LARGE1: variants seen among roughly 807,000 people sequenced by gnomAD.
The protein encoded by LARGE1 is LARGE xylosyl- and glucuronyltransferase 1.
LARGE1 carries 43 observed loss-of-function variants against 87.6 expected under a neutral mutation model. The observed-to-expected ratio is 0.49, with a 90% CI of 0.38 to 0.63. LARGE1 has a LOEUF of 0.63. LARGE1 is among the 30% of genes least tolerant of loss of function. The probability of loss-of-function intolerance (pLI) is 0.00; values close to 1 mark genes in which losing one functional copy is unlikely to be tolerated. For missense variants in LARGE1, 802 were observed against 1,000.2 expected (o/e 0.80, Z 2.67); for synonymous variants, 434 against 394.6 (o/e 1.10, Z -1.18).
At chr22:33,280,781 G>A (rs1430875420) in intron 13 of LARGE1, among the ~76,000 whole-genome samples, 2 of 152,186 alleles carry the variant, frequency 1.3e-5, no homozygotes, top group Non-Finnish European at 2.9e-5. Flanking sequence ...GGATGCTACT[G>A]GGGAGAAGAG....
At chr22:33,742,972 G>C (rs1401959032) in intron 2 of LARGE1, among the ~76,000 whole-genome samples, 1 of 151,952 alleles carries the variant, frequency 6.6e-6, no homozygotes. Context: ...TGGATCATGG[G>C]GGCAGATTTC....
chr22:33,557,500 C>G (rs906400965), intron 6 of LARGE1, among the ~76,000 whole-genome samples: 1 of 152,148 alleles, frequency 6.6e-6, no homozygotes, highest in Admixed American at 6.5e-5. Context: ...CGTTAAAGAC[C>G]TAAACAAAAC....
chr22:33,914,831 C>G (rs968206300), intron 1 of LARGE1, among the ~76,000 whole-genome samples: 2 of 152,106 alleles, frequency 1.3e-5, no homozygotes, highest in African/African-American at 4.8e-5. Context: ...CAGTAACACA[C>G]TAATGTATAG....
chr22:33,699,616 A>C (rs2082348794), intron 2 of LARGE1, among the ~76,000 whole-genome samples: 1 of 152,210 alleles, frequency 6.6e-6, no homozygotes, highest in East Asian at 1.9e-4. Flanking sequence ...CCAAGCAAAG[A>C]AGCTTTTGCA....
intron 7 of LARGE1, among the ~76,000 whole-genome samples, chr22:33,396,637 T>C (rs893384500): frequency 6.6e-6 from 1 of 152,058 alleles, no homozygotes; most frequent in Non-Finnish European, 1.5e-5. Flanking sequence ...AAATATATAT[T>C]TTAGCAACAC....
intron 6 of LARGE1, among the ~76,000 whole-genome samples, chr22:33,472,323 A>C (rs1221202181): frequency 6.6e-6 from 1 of 152,226 alleles, no homozygotes; most frequent in Non-Finnish European, 1.5e-5. Flanking sequence ...GGAGACAAAG[A>C]GAGAGACAGG....
chr22:33,528,762 C>A (rs926853929), intron 6 of LARGE1, among the ~76,000 whole-genome samples: 1 of 152,188 alleles, frequency 6.6e-6, no homozygotes, highest in Non-Finnish European at 1.5e-5. Flanking sequence ...TTGACACTGA[C>A]ACCCCCAACC....
intron 1 of LARGE1, among the ~76,000 whole-genome samples, chr22:33,905,268 T>C (rs2065411994): frequency 6.6e-6 from 1 of 151,872 alleles, no homozygotes; most frequent in African/African-American, 2.4e-5. Context: ...GGGGTTTCAC[T>C]ACGTTGCCAG....
intron 11 of LARGE1, among the ~76,000 whole-genome samples, chr22:33,307,452 G>A (rs1296452640): frequency 2.0e-5 from 3 of 151,882 alleles, no homozygotes; most frequent in Non-Finnish European, 4.4e-5. Flanking sequence ...CCAAGTAAGA[G>A]CGTGTTCTTC....
chr22:33,571,264 G>T (rs2078195222), intron 5 of LARGE1, among the ~76,000 whole-genome samples: 1 of 152,156 alleles, frequency 6.6e-6, no homozygotes, highest in African/African-American at 2.4e-5. Context: ...TGCTCTCAAA[G>T]GGAAATCTGC....
chr22:33,418,465 T>C (rs899116773), intron 7 of LARGE1, among the ~76,000 whole-genome samples: 2 of 152,146 alleles, frequency 1.3e-5, no homozygotes, highest in Non-Finnish European at 2.9e-5. Flanking sequence ...ATCAAAAACA[T>C]ATTTTATAAC....
chr22:33,875,635 GCAGGTGA>G lies in LARGE1; in HGVS notation c.-83+44353_-83+44359del, dbSNP rs889809823. ...CCCCAGCCATGTCCCATGCCGCAAA[GCAGGTGA>G]CCGATGAATTTAGCTCGCACTTGGC... On this transcript the variant is annotated intron_variant, in intron 1 of 14. Coordinates refer to ENST00000397394, the MANE Select transcript of LARGE1 (RefSeq NM_133642.5). Among the ~76,000 whole-genome samples the G allele has an allele frequency of 6.2e-4, 94 of 152,350 alleles. 2 individuals carry two copies. Among genetic ancestry groups the G allele is most frequent in the South Asian group, 4.1e-3 (20 of 4,830 alleles).
chr22:33,196,449 A>G (rs965018947), intron 11 of LARGE1, among the ~76,000 whole-genome samples: 59 of 152,274 alleles, frequency 3.9e-4, no homozygotes, highest in African/African-American at 1.3e-3. Context: ...ACAATGCAAG[A>G]TGAAACAGAA....
At chr22:33,634,108 T>C (rs1398917419) in intron 3 of LARGE1, among the ~76,000 whole-genome samples, 1 of 152,224 alleles carries the variant, frequency 6.6e-6, no homozygotes, top group African/African-American at 2.4e-5. Flanking sequence ...CTTATTAATG[T>C]TTCCTGAATG....
intron 2 of LARGE1, among the ~76,000 whole-genome samples, chr22:33,743,822 G>T (rs944200315): frequency 1.3e-5 from 2 of 152,196 alleles, no homozygotes; most frequent in Non-Finnish European, 2.9e-5. Flanking sequence ...AATTTGACTT[G>T]CACAAGACAT....
chr22:33,601,019 G>A (rs985974197), intron 5 of LARGE1, among the ~76,000 whole-genome samples: 32 of 152,104 alleles, frequency 2.1e-4, no homozygotes, highest in African/African-American at 6.5e-4. Context: ...GCAATGAGCC[G>A]AGATCACGCC....
At chr22:33,476,569 A>G (rs2069088805) in intron 6 of LARGE1, among the ~76,000 whole-genome samples, 1 of 152,200 alleles carries the variant, frequency 6.6e-6, no homozygotes, top group Non-Finnish European at 1.5e-5. Flanking sequence ...GCTGTGTCAT[A>G]GGCATGTCCT....
At chr22:33,703,836 T>C (rs999384614) in intron 2 of LARGE1, among the ~76,000 whole-genome samples, 1 of 152,246 alleles carries the variant, frequency 6.6e-6, no homozygotes, top group African/African-American at 2.4e-5. Context: ...AAATCTGTAT[T>C]ATTTTAAGCC....
In LARGE1 at chr22:33,294,271, T is replaced by C. The variant is rs546086269; in HGVS notation, c.1730+9958A>G. ...TTGGGAATCGCAGGGCTGAAGGCACTGGGGCTGCTGTCAGAATGCTGGGAG... is the reference window on the plus strand; with the variant it reads ...TTGGGAATCGCAGGGCTGAAGGCACCGGGGCTGCTGTCAGAATGCTGGGAG... On this transcript the variant is annotated intron_variant, in intron 12 of 14. Transcript: ENST00000397394. Among the ~76,000 whole-genome samples, 25 of 152,342 alleles carry C rather than the reference T, an allele frequency of 1.6e-4. No individual in the cohort carries two copies. The South Asian group carries it at 4.8e-3, about 29-fold the overall frequency.
Sources: allele counts gnomAD v4.1 joint callset (sites outside exome capture counted in the v4.1 genomes callset), GRCh38; gene constraint gnomAD v4.1.1; transcripts MANE v1.5; gene names NCBI Gene and HGNC (gene_info 2026-07-23, HGNC 2026-07-21).